The following MYH11 variants were observed in gnomAD, a reference collection of about 807,000 sequenced individuals.
MYH11 encodes the protein myosin heavy chain 11.
MYH11 carries 80 observed loss-of-function variants against 246.6 expected under a neutral mutation model. The observed-to-expected ratio is 0.32, with a 90% confidence interval of 0.27 to 0.39. MYH11 has a LOEUF of 0.39. Ranked by LOEUF, MYH11 falls within the 10% of genes least tolerant of loss-of-function variation. MYH11 has a pLI of 1.00. For missense variants in MYH11, 2,158 were observed against 2,546.8 expected, an observed-to-expected ratio of 0.85 and a Z score of 3.29; for synonymous variants, 1,071 against 1,015.5, an observed-to-expected ratio of 1.05 and a Z score of -1.04.
At chr16:15,758,065 C>T in intron 12 of MYH11, 65 bp from the exon 13 acceptor site, 2 of 1,609,862 alleles carry the variant, frequency 1.2e-6, no homozygotes, top group Non-Finnish European at 1.7e-6. Context: ...CAAGGAGCCC[C>T]ACAGAAGCTC....
intron 4 of MYH11, among the ~76,000 whole-genome samples, chr16:15,790,689 G>T (rs922766140): frequency 1.3e-5 from 2 of 152,118 alleles, no homozygotes; most frequent in African/African-American, 4.8e-5. Flanking sequence ...TTGGTACTGA[G>T]CTCCCTCTTC....
chr16:15,833,301 GA>G lies in MYH11; in HGVS notation c.345+4606del, dbSNP rs1401189227. 2.2e-5 allele frequency among the ~76,000 whole-genome samples: 3 copies of G among 136,354 alleles called. No individual in the cohort carries two copies. The South Asian group carries it at 7.4e-4, about 34-fold the overall frequency. 89.5% of individuals were successfully genotyped at this position (136,354 alleles called of 152,430 possible). The stretch of plus-strand genomic sequence containing the variant: ...AACAGAGTAAGACCCCATCTCAAAA[GA>G]AAGAAAAAGAAAAAAGAAGAAAGAA... On this transcript the variant is annotated intron_variant, in intron 2 of 40. Transcript: ENST00000300036.
rs117331020 is a variant in MYH11 at position 15,776,816 on chromosome 16, G to A, written c.791-640C>T. 3.2e-4 allele frequency among the ~76,000 whole-genome samples: 49 copies of A among 152,278 alleles called. No individual in the cohort carries two copies. In the East Asian group the frequency reaches 7.4e-3, roughly 23 times the overall value. ...TTTCAGGAGAGCTTCTCCGCGATGC[G>A]GGGTGGCAGGAGGGAGAGCAGAGGG... On this transcript the variant is annotated intron_variant, in intron 7 of 40. Transcript: ENST00000300036.
At chr16:15,735,672 T>C (rs888384599) in intron 25 of MYH11, 94 bp from the exon 26 acceptor site, 6 of 1,221,630 alleles carry the variant, frequency 4.9e-6, no homozygotes, top group African/African-American at 1.5e-5. Flanking sequence ...CAGACAGTTA[T>C]GTTGCAGAGA....
chr16:15,818,501 C>T (rs921252129), intron 3 of MYH11, among the ~76,000 whole-genome samples: 7 of 152,064 alleles, frequency 4.6e-5, no homozygotes, highest in African/African-American at 7.3e-5. Flanking sequence ...GGCGTGATCT[C>T]GGCTCACTGC....
At chr16:15,756,013 G>A (rs553769664) in intron 14 of MYH11, among the ~76,000 whole-genome samples, 27 of 152,142 alleles carry the variant, frequency 1.8e-4, no homozygotes, top group South Asian at 4.1e-4. Flanking sequence ...CAGGAGGATC[G>A]TGTGAGCCCA....
Position 15,740,087 on chromosome 16 carries a change from G to A in MYH11, c.2961C>T (p.Ile987=), listed in dbSNP as rs137988790. Residue 987 remains isoleucine (I), a synonymous_variant, in exon 23 of 41, where the codon ATC becomes ATT. Coordinates refer to ENST00000300036, the MANE Select transcript of MYH11 (RefSeq NM_002474.3). ...EAKIKKLEDE[I]LVMDDQNNKL... is the part of the protein sequence containing the mutation. ...TATTGTTCTGATCATCCATGACCAG[G>A]ATCTCATCCTCCAGTTTCTTGATCT... 2.7e-4 allele frequency: 431 copies of A among 1,614,188 alleles called. No homozygotes were observed. The African/African-American group carries it at 5.1e-3, about 19-fold the overall frequency.
rs1037268144 is a variant in MYH11 at position 15,747,423 on chromosome 16, A to G, written c.2411+147T>C. 3.9e-5 allele frequency: 38 copies of G among 981,588 alleles called. 1 individual carries two copies. Among genetic ancestry groups the G allele is most frequent in the South Asian group, 2.0e-4 (15 of 73,532 alleles). 60.8% of individuals were successfully genotyped at this position (981,588 alleles called of 1,614,324 possible). On this transcript the variant is annotated intron_variant, in intron 19 of 40. Coordinates refer to ENST00000300036, the MANE Select transcript of MYH11 (RefSeq NM_002474.3). ...ACTTGGTACATTTATTTAAAGTAGAAGCATTTCTTCCCCTTCAAGAAAAGG... is the reference window on the plus strand; with the variant it reads ...ACTTGGTACATTTATTTAAAGTAGAGGCATTTCTTCCCCTTCAAGAAAAGG...
At position 15,798,650 on chromosome 16, in the gene MYH11, T is replaced by C; in HGVS notation, c.530+10A>G. On this transcript the variant is annotated intron_variant, in intron 4 of 40. Transcript: ENST00000300036. ...AAAAAAAAAACAGAAGAAAAAGCAG[T>C]TCCACTTACGTGCATAGAATGGACT... 6.3e-7 allele frequency: 1 copy of C among 1,578,000 alleles called. No homozygotes were observed. The highest frequency in any genetic ancestry group is 8.6e-7 in the Non-Finnish European group (1 of 1,168,408).
At chr16:15,777,552 C>T (rs904910940) in intron 7 of MYH11, among the ~76,000 whole-genome samples, 2 of 152,144 alleles carry the variant, frequency 1.3e-5, no homozygotes, top group Non-Finnish European at 2.9e-5. Flanking sequence ...TCGCTCTAAA[C>T]ACAGGAAATG....
At position 15,724,290 on chromosome 16, in the gene MYH11, C is replaced by T. The variant is rs771460474; in HGVS notation, c.4236G>A (p.Ala1412=). Residue 1412 remains alanine (A), a synonymous_variant, in exon 31 of 41, where the codon GCG becomes GCA. Transcript: ENST00000300036. The part of the protein sequence containing the change: ...ENLTQQYEEK[A]AAYDKLEKTK... ...TCTTTTCCAGTTTATCATAAGCGGC[C>T]GCCTTCTCCTCGTACTGCTGGGTGA... 2.0e-5 allele frequency: 32 copies of T among 1,614,156 alleles called. 1 individual carries two copies. Among genetic ancestry groups the T allele is most frequent in the South Asian group, 2.0e-4 (18 of 91,086 alleles).
At position 15,753,385 on chromosome 16, in the gene MYH11, A is replaced by G. The variant is rs1480661807; in HGVS notation, c.1864+9T>C. Reference sequence around the variant, plus strand: ...AGCAGAACATGGACCCGAGCAGAGAAGGCCTTACCGTCCTTCCACAGGTCG... The same window carrying G: ...AGCAGAACATGGACCCGAGCAGAGAGGGCCTTACCGTCCTTCCACAGGTCG... On this transcript the variant is annotated intron_variant, in intron 15 of 40. Transcript: ENST00000300036. 2 of 1,611,460 alleles carry G rather than the reference A, an allele frequency of 1.2e-6. No individual in the cohort carries two copies. The highest frequency in any genetic ancestry group is 8.5e-7 in the Non-Finnish European group (1 of 1,177,584).
intron 15 of MYH11, among the ~76,000 whole-genome samples, chr16:15,752,739 T>G (rs961980781): frequency 1.3e-5 from 2 of 152,026 alleles, no homozygotes; most frequent in East Asian, 3.9e-4. Flanking sequence ...ATTAGCCAGG[T>G]ATGGTGGTGT....
At chr16:15,705,133 T>C (rs2039378341) in intron 40 of MYH11, among the ~76,000 whole-genome samples, 1 of 152,170 alleles carries the variant, frequency 6.6e-6, no homozygotes, top group African/African-American at 2.4e-5. Context: ...ACGTGCACAC[T>C]GCCACGCCTG....
At chr16:15,849,088 G>A (rs2044269315) in intron 1 of MYH11, among the ~76,000 whole-genome samples, 2 of 152,190 alleles carry the variant, frequency 1.3e-5, no homozygotes, top group Admixed American at 1.3e-4. Context: ...GTTGGGGGAA[G>A]GGTCTCACTA....
At chr16:15,763,741 T>TGGGGGGCCCCCCCCCCCCC in intron 10 of MYH11, 55 bp downstream of exon 10, 5 of 646,842 alleles carry the variant, frequency 7.7e-6, no homozygotes, top group East Asian at 3.2e-5. Context: ...AAATGTCACC[T>TGGGGGGCCCCCCCCCCCCC]CCCCCACCCC....
intron 19 of MYH11, among the ~76,000 whole-genome samples, chr16:15,745,650 C>T (rs568222751): frequency 1.4e-5 from 2 of 138,490 alleles, no homozygotes; most frequent in East Asian, 2.2e-4. Flanking sequence ...TGCGGTGGCA[C>T]GATCTCAGCT....
intron 2 of MYH11, among the ~76,000 whole-genome samples, chr16:15,836,954 AC>A (rs895919177): frequency 1.3e-5 from 2 of 151,752 alleles, no homozygotes; most frequent in Non-Finnish European, 2.9e-5. Flanking sequence ...CAAACTCCTG[AC>A]CTCAAGTGAT....
rs1268033663 is a variant in MYH11, at chr16:15,726,976, C to T, written c.3730G>A (p.Gly1244Ser). ...TGTTCCACCTCCTGCTTGGCCTGGCCCAGGACCCGCAGCTCCCCGGCCAGG... is the reference window on the plus strand; with the variant it reads ...TGTTCCACCTCCTGCTTGGCCTGGCTCAGGACCCGCAGCTCCCCGGCCAGG... ...ADLAGELRVL[G>S]QAKQEVEHKK... The change falls in exon 28 of 41, where the codon GGC becomes AGC. Residue 1244 changes from glycine to serine, a missense_variant. Coordinates refer to ENST00000300036, the MANE Select transcript of MYH11 (RefSeq NM_002474.3). 2 of 1,611,896 alleles carry T rather than the reference C, an allele frequency of 1.2e-6. No individual in the cohort carries two copies. The highest frequency in any genetic ancestry group is 2.2e-5 in the East Asian group (1 of 44,788).
Sources: allele counts gnomAD v4.1 joint callset (sites outside exome capture counted in the v4.1 genomes callset), GRCh38; gene constraint gnomAD v4.1.1; transcripts MANE v1.5; gene names NCBI Gene and HGNC (gene_info 2026-07-23, HGNC 2026-07-21).